The following SIPA1L1 variants were observed in gnomAD, a reference collection of about 807,000 sequenced individuals.
SIPA1L1 encodes the protein signal-induced proliferation-associated 1-like protein 1.
A neutral mutation model predicts 162.7 loss-of-function variants in SIPA1L1; 26 were observed. That is an observed-to-expected ratio of 0.16 (90% CI 0.12 to 0.22). The LOEUF (loss-of-function observed/expected upper bound fraction) is 0.22. SIPA1L1 is among the 10% of genes least tolerant of loss of function. The probability of loss-of-function intolerance (pLI) is 1.00; values close to 1 mark genes in which losing one functional copy is unlikely to be tolerated. For synonymous variants in SIPA1L1, 829 were observed against 837.4 expected (o/e 0.99, Z 0.17); for missense variants, 1,874 against 2,241.0 (o/e 0.84, Z 3.31).
At chr14:71,477,973 A>G (rs997479912) in intron 2 of SIPA1L1, among the ~76,000 whole-genome samples, 8 of 152,234 alleles carry the variant, frequency 5.3e-5, no homozygotes, top group African/African-American at 1.9e-4. Flanking sequence ...CATTTACACC[A>G]GCAATGTATA....
chr14:71,585,356 A>G (rs2034453608), intron 4 of SIPA1L1, among the ~76,000 whole-genome samples: 1 of 152,202 alleles, frequency 6.6e-6, no homozygotes. Flanking sequence ...AGTCGTTGTT[A>G]TATAATGTAA....
rs1174966295 is a variant in SIPA1L1, at chr14:71,709,517, G to A, written c.4061G>A (p.Arg1354Gln). 8.7e-6 allele frequency: 14 copies of A among 1,614,070 alleles called. No homozygotes were observed. The highest frequency in any genetic ancestry group is 4.0e-5 in the African/African-American group (3 of 74,922). Residue 1354 changes from arginine (R) to glutamine (Q), a missense_variant, in exon 17 of 24, where the codon CGG (arginine) becomes CAG (glutamine). Arg to Gln is a conservative substitution (Grantham distance 43). This residue lies in a region of SIPA1L1 where 936 missense variants were observed against 1,051.9 expected (regional missense o/e 0.89). Coordinates refer to ENST00000381232, the MANE Select transcript of SIPA1L1 (RefSeq NM_001386936.1). ...SSSEVISMADRTLETESHGLD... is the reference protein window; with the variant it reads ...SSSEVISMADQTLETESHGLD... ...AGTGAAGTAATCTCCATGGCAGATC[G>A]GACTTTGGAGACAGAGAGCCACGGC...
intron 2 of SIPA1L1, among the ~76,000 whole-genome samples, chr14:71,348,035 T>A (rs1292934716): frequency 2.0e-5 from 3 of 152,186 alleles, no homozygotes; most frequent in Non-Finnish European, 4.4e-5. Flanking sequence ...ACAAATATTT[T>A]AGACAGAGTA....
chr14:71,453,728 T>G (rs2045977641), intron 2 of SIPA1L1, among the ~76,000 whole-genome samples: 1 of 152,218 alleles, frequency 6.6e-6, no homozygotes, highest in South Asian at 2.1e-4. Context: ...GTGCAGTGGC[T>G]CACGCCTGTA....
chr14:71,737,372 T>C lies in SIPA1L1; in HGVS notation c.5124-869T>C, dbSNP rs35377626. On this transcript the variant is annotated intron_variant, in intron 22 of 23. Transcript: ENST00000381232. ...GAAGAGGCTCTGCATGTTTTCCCGA[T>C]GGAAGACTTTGGGTTCTCTGTGGTG... 7.0e-3 allele frequency among the ~76,000 whole-genome samples: 1,067 copies of C among 152,328 alleles called. 5 individuals carry two copies. The highest frequency in any genetic ancestry group is 0.011 in the Non-Finnish European group (763 of 68,032).
intron 4 of SIPA1L1, among the ~76,000 whole-genome samples, chr14:71,541,481 C>T (rs1481273137): frequency 1.3e-5 from 2 of 152,098 alleles, no homozygotes; most frequent in African/African-American, 4.8e-5. Flanking sequence ...TAATCTCAGC[C>T]AGAAGCGGCA....
At chr14:71,374,709 T>C (rs1357655388) in intron 2 of SIPA1L1, among the ~76,000 whole-genome samples, 1 of 151,544 alleles carries the variant, frequency 6.6e-6, no homozygotes, top group Non-Finnish European at 1.5e-5. Context: ...TTTTTTTTTT[T>C]TGCTGTTTCT....
chr14:71,530,659 G>A (rs983075001), intron 4 of SIPA1L1, among the ~76,000 whole-genome samples: 1 of 152,096 alleles, frequency 6.6e-6, no homozygotes, highest in African/African-American at 2.4e-5. Flanking sequence ...TAGAGAAATC[G>A]AATGTTTACC....
chr14:71,481,121 G>A (rs2048322313), intron 2 of SIPA1L1, among the ~76,000 whole-genome samples: 1 of 152,170 alleles, frequency 6.6e-6, no homozygotes, highest in Non-Finnish European at 1.5e-5. Flanking sequence ...AGTTGCCTTT[G>A]AGATGTGATT....
intron 13 of SIPA1L1, among the ~76,000 whole-genome samples, chr14:71,698,699 A>G (rs570227783): frequency 3.9e-4 from 60 of 152,324 alleles, no homozygotes; most frequent in African/African-American, 1.3e-3. Flanking sequence ...AATTTAGCCA[A>G]TTGAATTCTG....
intron 7 of SIPA1L1, among the ~76,000 whole-genome samples, chr14:71,629,039 G>T (rs565108133): frequency 7.9e-5 from 12 of 152,102 alleles, no homozygotes; most frequent in African/African-American, 2.9e-4. Flanking sequence ...CCAGGTTCAC[G>T]CCATTCTCCT....
In SIPA1L1 at chr14:71,588,434, T is replaced by C. The variant is rs768555551; in HGVS notation, c.562T>C (p.Phe188Leu). 6 of 1,614,148 alleles carry C rather than the reference T, an allele frequency of 3.7e-6. No individual in the cohort carries two copies. In the South Asian group the frequency reaches 4.4e-5, roughly 12 times the overall value. Reference sequence around the variant, plus strand: ...CATAAGTGAACTTGATGTGGATAGCTTTGATGAATGTATCTCACCTACATA... The same window carrying C: ...CATAAGTGAACTTGATGTGGATAGCCTTGATGAATGTATCTCACCTACATA... ...ITISELDVDS[F>L]DECISPTYKT... is the part of the protein sequence containing the mutation. Residue 188 changes from phenylalanine to leucine, a missense_variant, in exon 5 of 24, where the codon TTT becomes CTT. Around this residue, in one of 5 missense-constraint regions of SIPA1L1, gnomAD observed 685 missense variants for 828.0 expected, o/e 0.83. Transcript: ENST00000381232. The surrounding 1 kb of genome is among the most constrained non-coding windows in gnomAD (Gnocchi z 4.3).
intron 2 of SIPA1L1, among the ~76,000 whole-genome samples, chr14:71,434,605 G>T (rs540790602): frequency 6.6e-6 from 1 of 152,102 alleles, no homozygotes; most frequent in Non-Finnish European, 1.5e-5. Flanking sequence ...TTGAGACAGG[G>T]TCTTGCCTTG....
intron 14 of SIPA1L1, among the ~76,000 whole-genome samples, chr14:71,700,638 G>T (rs1245629204): frequency 6.6e-6 from 1 of 152,138 alleles, no homozygotes; most frequent in Non-Finnish European, 1.5e-5. Flanking sequence ...TGCTTAGTGA[G>T]CCTTGTGATG....
intron 2 of SIPA1L1, among the ~76,000 whole-genome samples, chr14:71,374,363 G>T (rs890014625): frequency 4.0e-5 from 6 of 151,734 alleles, no homozygotes; most frequent in African/African-American, 1.2e-4. Context: ...AACTAATTTT[G>T]TCGGTAAACT....
At position 71,506,488 on chromosome 14, in the gene SIPA1L1, G is replaced by A. The variant is rs60126292; in HGVS notation, c.-464-6255G>A. 2.3e-3 allele frequency among the ~76,000 whole-genome samples: 351 copies of A among 152,062 alleles called. 8 individuals carry two copies. The East Asian group carries it at 0.061, about 27-fold the overall frequency. On this transcript the variant is annotated intron_variant, in intron 2 of 23. Coordinates refer to ENST00000381232, the MANE Select transcript of SIPA1L1 (RefSeq NM_001386936.1). ...CCCAAGTAGCTGGGATTACAGGGGC[G>A]TGCCACCACACCTGGCTAATTTTTG...
At chr14:71,444,054 C>T (rs1192718042) in intron 2 of SIPA1L1, among the ~76,000 whole-genome samples, 2 of 152,112 alleles carry the variant, frequency 1.3e-5, no homozygotes, top group African/African-American at 4.8e-5. Flanking sequence ...AGTTTCTGTC[C>T]AGGCAATCCT....
intron 2 of SIPA1L1, among the ~76,000 whole-genome samples, chr14:71,509,319 C>A (rs1338140951): frequency 6.6e-6 from 1 of 152,136 alleles, no homozygotes; most frequent in African/African-American, 2.4e-5. Context: ...AAAACAAAAT[C>A]TTTCAACAAA....
intron 4 of SIPA1L1, among the ~76,000 whole-genome samples, chr14:71,563,060 T>C (rs1167613222): frequency 6.6e-6 from 1 of 152,232 alleles, no homozygotes; most frequent in African/African-American, 2.4e-5. Context: ...CAGGGACTTT[T>C]GTCAGTTTGA....
Sources: allele counts gnomAD v4.1 joint callset (sites outside exome capture counted in the v4.1 genomes callset), GRCh38; gene constraint gnomAD v4.1.1; regional missense constraint gnomAD v4.1.1; non-coding constraint Gnocchi (gnomAD v3.1); transcripts MANE v1.5; gene names NCBI Gene and HGNC (gene_info 2026-07-23, HGNC 2026-07-21).